Variants in SAMMSON observed in about 807,000 individuals in gnomAD.
SAMMSON encodes long intergenic non-protein coding RNA 1212.
chr3:70,181,379 A>T (rs1424998621), intron 4 of SAMMSON, among the ~76,000 whole-genome samples: 1 of 152,216 alleles, frequency 6.6e-6, no homozygotes, highest in Non-Finnish European at 1.5e-5. Context: ...TTTTTCTTGC[A>T]TCAGCAACCT....
intron 2 of SAMMSON, among the ~76,000 whole-genome samples, chr3:70,430,559 T>A (rs564542903): frequency 3.9e-5 from 6 of 152,186 alleles, no homozygotes; most frequent in African/African-American, 1.2e-4. Flanking sequence ...GAAAAGAGTA[T>A]GCAGAAGACC....
chr3:70,152,219 GA>G (rs573437457), intron 4 of SAMMSON, among the ~76,000 whole-genome samples: 162 of 151,714 alleles, frequency 1.1e-3, no homozygotes, highest in African/African-American at 3.8e-3. Flanking sequence ...GCGATACCAT[GA>G]AAAAAAATCA....
intron 1 of SAMMSON, among the ~76,000 whole-genome samples, chr3:70,010,813 A>G (rs1410547151): frequency 2.6e-5 from 4 of 152,172 alleles, no homozygotes; most frequent in Non-Finnish European, 5.9e-5. Flanking sequence ...GCAAAGGAGC[A>G]GCAGGCACCT....
intron 7 of SAMMSON, among the ~76,000 whole-genome samples, chr3:70,352,530 A>T (rs1240106622): frequency 6.6e-6 from 1 of 152,130 alleles, no homozygotes; most frequent in Non-Finnish European, 1.5e-5. Context: ...CTAAACAGAA[A>T]GAAAACAATG....
chr3:70,032,982 T>TGA (rs1399763235), intron 3 of SAMMSON, among the ~76,000 whole-genome samples: 1 of 152,118 alleles, frequency 6.6e-6, no homozygotes. Context: ...TCTGACACAC[T>TGA]GAGAGTGTGA....
intron 4 of SAMMSON, among the ~76,000 whole-genome samples, chr3:70,168,264 T>C (rs543710415): frequency 1.3e-5 from 2 of 152,026 alleles, no homozygotes; most frequent in South Asian, 4.1e-4. Context: ...AGCTGTTGTC[T>C]TGAATGACTG....
chr3:70,041,245 C>T (rs1397581520), intron 3 of SAMMSON, among the ~76,000 whole-genome samples: 2 of 151,922 alleles, frequency 1.3e-5, no homozygotes, highest in Admixed American at 1.3e-4. Flanking sequence ...TCCTAGGCCT[C>T]GTATTATCCA....
At chr3:70,425,276 A>G (rs891372592) in intron 2 of SAMMSON, 2 of 152,174 alleles carry the variant, frequency 1.3e-5, no homozygotes, top group Non-Finnish European at 2.9e-5. Flanking sequence ...TAGCATTGCT[A>G]TTCTCTATTA....
chr3:70,379,365 GT>G (rs1703045868), intron 9 of SAMMSON, among the ~76,000 whole-genome samples: 1 of 152,168 alleles, frequency 6.6e-6, no homozygotes. Context: ...TAACAGCCTT[GT>G]TTGGGGAGAA....
intron 1 of SAMMSON, among the ~76,000 whole-genome samples, chr3:70,000,116 C>T (rs185361046): frequency 5.5e-4 from 83 of 152,292 alleles, no homozygotes; most frequent in African/African-American, 1.9e-3. Flanking sequence ...CACAAGCTGC[C>T]TATAGACGGC....
At chr3:70,396,607 T>C (rs1362292089) in intron 2 of SAMMSON, among the ~76,000 whole-genome samples, 1 of 152,130 alleles carries the variant, frequency 6.6e-6, no homozygotes, top group Non-Finnish European at 1.5e-5. Context: ...ACCAACCAAA[T>C]TAAGGTTTCA....
intron 9 of SAMMSON, among the ~76,000 whole-genome samples, chr3:70,372,156 T>C (rs1323972973): frequency 6.6e-6 from 1 of 152,114 alleles, no homozygotes; most frequent in Non-Finnish European, 1.5e-5. Context: ...CGTTTCCTAG[T>C]TTGCTGAGAG....
At chr3:70,349,207 C>T (rs1702773981) in intron 7 of SAMMSON, among the ~76,000 whole-genome samples, 1 of 151,980 alleles carries the variant, frequency 6.6e-6, no homozygotes, top group Non-Finnish European at 1.5e-5. Flanking sequence ...AACCCCATCT[C>T]TACTAAAAAT....
At chr3:70,004,457 A>G (rs2066918423) in intron 1 of SAMMSON, among the ~76,000 whole-genome samples, 1 of 152,158 alleles carries the variant, frequency 6.6e-6, no homozygotes, top group South Asian at 2.1e-4. Context: ...TAGGTGCAAT[A>G]ATGAAAGAAA....
At chr3:70,364,769 A>G (rs1702906853) in intron 9 of SAMMSON, among the ~76,000 whole-genome samples, 1 of 151,766 alleles carries the variant, frequency 6.6e-6, no homozygotes, top group African/African-American at 2.4e-5. Flanking sequence ...CTTTTCCTAC[A>G]TTCTACACCT....
intron 9 of SAMMSON, among the ~76,000 whole-genome samples, chr3:70,371,936 C>T (rs1167012979): frequency 6.6e-6 from 1 of 152,222 alleles, no homozygotes; most frequent in African/African-American, 2.4e-5. Context: ...ATGCTTTCAT[C>T]TTTTCCCCAT....
At chr3:70,366,052 G>A (rs6806635) in intron 9 of SAMMSON, among the ~76,000 whole-genome samples, 13,310 of 31,138 alleles carry the variant, frequency 0.43, 4,773 homozygotes, top group East Asian at 0.78. Flanking sequence ...CTGCAGTGGC[G>A]CAATCTCGGC....
At chr3:70,015,030 C>A (rs2066976503) in intron 3 of SAMMSON, 1 of 152,222 alleles carries the variant, frequency 6.6e-6, no homozygotes, top group South Asian at 2.1e-4. Context: ...CCTGTAATCC[C>A]AGCACTTTGG....
intron 4 of SAMMSON, among the ~76,000 whole-genome samples, chr3:70,128,406 A>T (rs1368703161): frequency 6.6e-6 from 1 of 152,244 alleles, no homozygotes; most frequent in African/African-American, 2.4e-5. Flanking sequence ...TATATACTTC[A>T]CAGACCCTGC....
Sources: allele counts gnomAD v4.1 joint callset (sites outside exome capture counted in the v4.1 genomes callset), GRCh38; gene constraint gnomAD v4.1.1; transcripts MANE v1.5; gene names NCBI Gene and HGNC (gene_info 2026-07-23, HGNC 2026-07-21).